Variants in REC114 observed in about 807,000 individuals in gnomAD.
REC114 encodes the protein meiotic recombination protein REC114.
Under a neutral mutation model 31.3 loss-of-function variants are expected in REC114, and 27 were observed. That is an observed-to-expected ratio of 0.86 (90% CI 0.64 to 1.19). The LOEUF (loss-of-function observed/expected upper bound fraction) is 1.19, where lower values mean the gene tolerates loss of function less well. REC114 is among the 50% of genes most tolerant of loss of function. REC114 has a pLI of 0.00. For missense variants in REC114, 344 were observed against 326.9 expected (o/e 1.05, Z -0.40); for synonymous variants, 134 against 127.7 (o/e 1.05, Z -0.33).
chr15:73,508,902 C>A (rs2141313360), intron 2 of REC114, among the ~76,000 whole-genome samples: 1 of 151,182 alleles, frequency 6.6e-6, no homozygotes, highest in African/African-American at 2.4e-5. Context: ...CCGCAATAAA[C>A]ATACGTGTGC....
At chr15:73,556,192 A>G (rs1207341070) in intron 4 of REC114, 110 bp from the exon 5 acceptor site, 1 of 871,428 alleles carries the variant, frequency 1.1e-6, no homozygotes, top group Non-Finnish European at 1.8e-6. Flanking sequence ...TATCACTCTT[A>G]GTGGTATTTT....
At chr15:73,489,320 C>T (rs1033799950) in intron 2 of REC114, among the ~76,000 whole-genome samples, 14 of 151,666 alleles carry the variant, frequency 9.2e-5, no homozygotes, top group Admixed American at 5.3e-4. Flanking sequence ...TCTCCTGCCT[C>T]GGCCTCCTGA....
At chr15:73,517,831 CTG>C (rs776695031) in intron 2 of REC114, among the ~76,000 whole-genome samples, 38 of 152,124 alleles carry the variant, frequency 2.5e-4, no homozygotes, top group Non-Finnish European at 4.3e-4. Context: ...GCAATTGAAA[CTG>C]TGGATCTGGT....
intron 1 of REC114, among the ~76,000 whole-genome samples, chr15:73,445,365 C>T (rs1162202202): frequency 6.6e-6 from 1 of 152,200 alleles, no homozygotes; most frequent in Non-Finnish European, 1.5e-5. Context: ...GTTTGATCTT[C>T]TATGCAGACC....
At chr15:73,456,451 A>T (rs1444197169) in intron 1 of REC114, among the ~76,000 whole-genome samples, 2 of 152,104 alleles carry the variant, frequency 1.3e-5, no homozygotes, top group Non-Finnish European at 2.9e-5. Flanking sequence ...CTTGAAATGA[A>T]CTTTTAAATG....
chr15:73,443,537 A>G (rs1449284071), intron 1 of REC114, among the ~76,000 whole-genome samples, 193 bp downstream of exon 1: 1 of 152,176 alleles, frequency 6.6e-6, no homozygotes, highest in Non-Finnish European at 1.5e-5. Flanking sequence ...CATGGTTGGA[A>G]CCCTTTACAG....
intron 4 of REC114, 53 bp from the exon 5 acceptor site, chr15:73,556,249 G>T (rs1258619668): frequency 1.4e-6 from 2 of 1,452,562 alleles, no homozygotes; most frequent in Non-Finnish European, 9.6e-7. Context: ...ATGGCCTTTG[G>T]TATTTAAGAT....
intron 3 of REC114, among the ~76,000 whole-genome samples, chr15:73,546,501 C>A (rs1341005589): frequency 6.6e-6 from 1 of 151,682 alleles, no homozygotes; most frequent in African/African-American, 2.4e-5. Context: ...TACTCTTCAG[C>A]CATTGAAAGT....
chr15:73,547,887 T>C (rs914343589), intron 3 of REC114, among the ~76,000 whole-genome samples: 1 of 152,066 alleles, frequency 6.6e-6, no homozygotes, highest in Non-Finnish European at 1.5e-5. Context: ...GTGACAAAGA[T>C]GCCAAAAGCA....
intron 2 of REC114, among the ~76,000 whole-genome samples, chr15:73,531,999 A>T (rs200204929): frequency 0.048 from 5,496 of 114,966 alleles, 154 homozygotes; most frequent in African/African-American, 0.12. Flanking sequence ...TTTTTTTTTT[A>T]ATACTTTAAG....
chr15:73,445,179 C>T (rs1892748735), intron 1 of REC114, among the ~76,000 whole-genome samples: 1 of 152,166 alleles, frequency 6.6e-6, no homozygotes, highest in Non-Finnish European at 1.5e-5. Flanking sequence ...TTAGAGTCAC[C>T]AGTGGGATTA....
chr15:73,500,495 T>G (rs918466774), intron 2 of REC114, among the ~76,000 whole-genome samples: 2 of 152,148 alleles, frequency 1.3e-5, no homozygotes, highest in Admixed American at 1.3e-4. Context: ...AGCAGTACCT[T>G]TGGCAGCAGG....
intron 2 of REC114, among the ~76,000 whole-genome samples, chr15:73,501,789 G>A (rs1239481255): frequency 1.3e-5 from 2 of 152,120 alleles, no homozygotes; most frequent in African/African-American, 4.8e-5. Context: ...TCACTTTTAA[G>A]CAAGCTGATT....
intron 3 of REC114, 111 bp downstream of exon 3, chr15:73,540,679 T>TC: frequency 1.1e-6 from 1 of 930,434 alleles, no homozygotes; most frequent in Non-Finnish European, 1.7e-6. Context: ...AATACAAATG[T>TC]TTAAGAAAGG....
At chr15:73,547,604 C>G (rs547667331) in intron 3 of REC114, among the ~76,000 whole-genome samples, 8 of 152,258 alleles carry the variant, frequency 5.3e-5, no homozygotes, top group African/African-American at 1.9e-4. Flanking sequence ...ATGTTTGTTG[C>G]AGCACTATTC....
intron 1 of REC114, among the ~76,000 whole-genome samples, chr15:73,462,500 C>G (rs1438662884): frequency 6.6e-6 from 1 of 152,016 alleles, no homozygotes; most frequent in Non-Finnish European, 1.5e-5. Flanking sequence ...ACATGGAAGC[C>G]TCTAACAACT....
At chr15:73,531,105 C>A (rs1280607229) in intron 2 of REC114, among the ~76,000 whole-genome samples, 1 of 152,140 alleles carries the variant, frequency 6.6e-6, no homozygotes, top group African/African-American at 2.4e-5. Flanking sequence ...GATTTTAAAG[C>A]TAATTTACCT....
chr15:73,555,189 G>A (rs985923264), intron 4 of REC114, among the ~76,000 whole-genome samples: 2 of 152,122 alleles, frequency 1.3e-5, no homozygotes, highest in Non-Finnish European at 2.9e-5. Flanking sequence ...GGCATCTCCT[G>A]CCTTCTGGTA....
At chr15:73,505,961 C>T (rs1054327247) in intron 2 of REC114, among the ~76,000 whole-genome samples, 4 of 152,086 alleles carry the variant, frequency 2.6e-5, no homozygotes, top group Admixed American at 1.3e-4. Flanking sequence ...ACTAATGGAG[C>T]GGTTGAAGAG....
Sources: allele counts gnomAD v4.1 joint callset (sites outside exome capture counted in the v4.1 genomes callset), GRCh38; gene constraint gnomAD v4.1.1; transcripts MANE v1.5; gene names NCBI Gene and HGNC (gene_info 2026-07-23, HGNC 2026-07-21).